The following DCPH1 variants were observed in gnomAD, a reference collection of about 807,000 sequenced individuals.
DCPH1 encodes the protein damage-control phosphatase 1.
the DCPH1 span, chr6:151,454,594 A>C: frequency 4.4e-6 from 7 of 1,581,522 alleles, no homozygotes; most frequent in Non-Finnish European, 6.1e-6. Context: ...ACAGATCTTA[A>C]CTAAGGTTAT....
chr6:151,462,309 G>C, the DCPH1 span, among the ~76,000 whole-genome samples: 1 of 152,154 alleles, frequency 6.6e-6, no homozygotes, highest in Non-Finnish European at 1.5e-5. Flanking sequence ...GAACCTTACA[G>C]ACCCCAAAAG....
the DCPH1 span, among the ~76,000 whole-genome samples, chr6:151,455,602 G>A: frequency 3.9e-5 from 6 of 152,162 alleles, no homozygotes; most frequent in Admixed American, 6.5e-5. Flanking sequence ...GCCCTAAGGC[G>A]GTTTTTCCCT....
chr6:151,463,115 C>A, the DCPH1 span, among the ~76,000 whole-genome samples: 1 of 152,036 alleles, frequency 6.6e-6, no homozygotes, highest in East Asian at 1.9e-4. Flanking sequence ...TTCAGCCATT[C>A]AAAAATATAA....
chr6:151,458,282 A>G, the DCPH1 span: 15 of 1,567,406 alleles, frequency 9.6e-6, no homozygotes, highest in East Asian at 2.3e-5. Context: ...GAGGAATTGC[A>G]CAGACACACA....
chr6:151,455,937 A>T, the DCPH1 span, among the ~76,000 whole-genome samples: 1 of 152,194 alleles, frequency 6.6e-6, no homozygotes, highest in African/African-American at 2.4e-5. Flanking sequence ...AGTGGTGATG[A>T]CTCTCAAGGA....
At chr6:151,454,444 G>T in the DCPH1 span, 1 of 668,922 alleles carries the variant, frequency 1.5e-6, no homozygotes, top group East Asian at 2.8e-5. Flanking sequence ...TTTAATAGTT[G>T]TATGAGGAGT....
the DCPH1 span, among the ~76,000 whole-genome samples, chr6:151,463,222 G>C: frequency 2.0e-5 from 3 of 152,268 alleles, no homozygotes; most frequent in East Asian, 5.8e-4. Flanking sequence ...CACCTTGAGA[G>C]ACTGACTGAT....
At chr6:151,454,845 A>C in the DCPH1 span, among the ~76,000 whole-genome samples, 1 of 152,252 alleles carries the variant, frequency 6.6e-6, no homozygotes, top group South Asian at 2.1e-4. Flanking sequence ...ATTGTGTTCC[A>C]ATAATTAATT....
chr6:151,453,998 G>T, the DCPH1 span, among the ~76,000 whole-genome samples: 1 of 152,192 alleles, frequency 6.6e-6, no homozygotes, highest in Non-Finnish European at 1.5e-5. Context: ...CCATTGTGCA[G>T]ATAGAGAAGG....
the DCPH1 span, among the ~76,000 whole-genome samples, chr6:151,457,041 C>T: frequency 6.6e-6 from 1 of 152,156 alleles, no homozygotes; most frequent in African/African-American, 2.4e-5. Context: ...CTTTCTGTCC[C>T]TTTTTCATGC....
chr6:151,458,271 A>G, the DCPH1 span: 1 of 1,551,650 alleles, frequency 6.4e-7, no homozygotes, highest in African/African-American at 1.4e-5. Flanking sequence ...ATGTTACCCT[A>G]GAGGAATTGC....
chr6:151,461,766 C>T, the DCPH1 span, among the ~76,000 whole-genome samples: 13 of 152,264 alleles, frequency 8.5e-5, no homozygotes, highest in East Asian at 3.9e-4. Context: ...GTTTTTCTTT[C>T]GGAAGCTCAG....
At chr6:151,469,152 G>C in the DCPH1 span, 41 of 1,511,610 alleles carry the variant, frequency 2.7e-5, no homozygotes, top group Non-Finnish European at 3.6e-5. Context: ...GATCTGGTGA[G>C]CACCTTTTCA....
At chr6:151,453,653 A>T in the DCPH1 span, among the ~76,000 whole-genome samples, 1 of 152,222 alleles carries the variant, frequency 6.6e-6, no homozygotes. Context: ...CTAGTAATTT[A>T]ACAATTGTCT....
the DCPH1 span, among the ~76,000 whole-genome samples, chr6:151,459,909 G>A: frequency 3.4e-3 from 521 of 152,274 alleles, 3 homozygotes; most frequent in African/African-American, 0.011. Context: ...GAATCCTTTG[G>A]TATCTGTTCC....
chr6:151,467,360 A>G, the DCPH1 span, among the ~76,000 whole-genome samples: 1 of 151,840 alleles, frequency 6.6e-6, no homozygotes, highest in Non-Finnish European at 1.5e-5. Context: ...GCATTTTGGG[A>G]GGCCACGGCA....
the DCPH1 span, chr6:151,468,278 T>A: frequency 9.0e-7 from 1 of 1,111,810 alleles, no homozygotes; most frequent in Non-Finnish European, 1.3e-6. Flanking sequence ...CCCATCCCGC[T>A]ACATAATGGA....
At chr6:151,462,078 C>G in the DCPH1 span, among the ~76,000 whole-genome samples, 3 of 152,062 alleles carry the variant, frequency 2.0e-5, no homozygotes, top group African/African-American at 7.2e-5. Context: ...CTGAAACATG[C>G]AATAGTCTGC....
At chr6:151,460,481 T>A in the DCPH1 span, among the ~76,000 whole-genome samples, 1 of 151,496 alleles carries the variant, frequency 6.6e-6, no homozygotes, top group East Asian at 1.9e-4. Flanking sequence ...AAAAGCAAAA[T>A]ACACTATTAA....
Sources: gnomAD v4.1 joint callset for allele counts (sites outside exome capture counted in the v4.1 genomes callset) on GRCh38, gnomAD v4.1.1 for gene constraint, MANE v1.5 for transcripts, NCBI Gene and HGNC (gene_info 2026-07-23, HGNC 2026-07-21) for gene names.